Variants in MBNL2 observed in about 807,000 individuals in gnomAD.
MBNL2 encodes the protein muscleblind like splicing regulator 2.
Under a neutral mutation model 41.9 loss-of-function variants are expected in MBNL2, and 17 were observed. That is an observed-to-expected ratio of 0.41 (90% CI 0.28 to 0.61). The LOEUF is 0.61. Among genes scored for constraint, MBNL2 ranks in the 20% least tolerant of loss-of-function variants. The pLI, the probability that MBNL2 is intolerant of heterozygous loss-of-function variation, is 0.35. For missense variants in MBNL2, 336 were observed against 505.6 expected (o/e 0.66, Z 3.22); for synonymous variants, 195 against 182.9 (o/e 1.07, Z -0.53).
At chr13:97,269,466 C>T (rs1334224132) in intron 1 of MBNL2, among the ~76,000 whole-genome samples, 1 of 152,166 alleles carries the variant, frequency 6.6e-6, no homozygotes, top group Non-Finnish European at 1.5e-5. Flanking sequence ...GGCAGATGAA[C>T]TTGAAATGCC....
chr13:97,386,543 A>G (rs2065937593), intron 8 of MBNL2, among the ~76,000 whole-genome samples: 1 of 152,194 alleles, frequency 6.6e-6, no homozygotes, highest in Non-Finnish European at 1.5e-5. Context: ...ATTAGACAGT[A>G]CCTAATCTGG....
At chr13:97,271,126 GT>G (rs796072734) in intron 1 of MBNL2, among the ~76,000 whole-genome samples, 17 of 114,092 alleles carry the variant, frequency 1.5e-4, no homozygotes, top group Admixed American at 1.7e-4. Context: ...TTTTTTTTTT[GT>G]TTTTTTTTTT....
At chr13:97,329,356 A>C (rs1325330315) in intron 2 of MBNL2, among the ~76,000 whole-genome samples, 1 of 152,220 alleles carries the variant, frequency 6.6e-6, no homozygotes, top group African/African-American at 2.4e-5. Context: ...TATAATAATC[A>C]GGGTGCGATT....
chr13:97,295,287 G>C (rs902227851), intron 2 of MBNL2, among the ~76,000 whole-genome samples: 2 of 151,828 alleles, frequency 1.3e-5, no homozygotes, highest in Non-Finnish European at 2.9e-5. Context: ...TCAAATAGGT[G>C]CACACCTGGG....
intron 1 of MBNL2, among the ~76,000 whole-genome samples, chr13:97,237,418 A>C (rs2152802290): frequency 6.6e-6 from 1 of 152,336 alleles, no homozygotes; most frequent in East Asian, 1.9e-4. Context: ...TGAGGAGAAA[A>C]TTATTTCTTA....
chr13:97,270,354 C>T (rs1038314463), intron 1 of MBNL2, among the ~76,000 whole-genome samples: 1 of 152,006 alleles, frequency 6.6e-6, no homozygotes, highest in Non-Finnish European at 1.5e-5. Context: ...TTTTCACATT[C>T]TTTTTTTTCT....
intron 2 of MBNL2, among the ~76,000 whole-genome samples, chr13:97,290,791 T>C (rs972260810): frequency 6.6e-6 from 1 of 152,028 alleles, no homozygotes; most frequent in Non-Finnish European, 1.5e-5. Context: ...GGTACTCTGA[T>C]AGAAAACATT....
chr13:97,278,465 A>G (rs1392060449), intron 2 of MBNL2, among the ~76,000 whole-genome samples: 3 of 152,146 alleles, frequency 2.0e-5, no homozygotes, highest in Admixed American at 6.6e-5. Flanking sequence ...TCTTTAATGT[A>G]ATTCGAGAAA....
chr13:97,149,674 C>T, the MBNL2 span, among the ~76,000 whole-genome samples: 2 of 152,064 alleles, frequency 1.3e-5, no homozygotes, highest in African/African-American at 2.4e-5. Flanking sequence ...GGGTCAGCTG[C>T]CCAACACAAA....
In MBNL2 at chr13:97,257,867, G is replaced by A. The variant is rs78251291; in HGVS notation, c.-604-17765G>A. ...CACGTGTGCATCTCAGAAGTTGCTC[G>A]CGCCCAAGGGCAGATCAGTGACTGT... On this transcript the variant is annotated intron_variant, in intron 1 of 8. Coordinates refer to ENST00000679496, the MANE Select transcript of MBNL2 (RefSeq NM_001382683.1). Among the ~76,000 whole-genome samples the A allele has an allele frequency of 9.3e-3, 1,409 of 152,322 alleles. 11 individuals are homozygous for A. The highest frequency in any genetic ancestry group is 0.016 in the Non-Finnish European group (1,107 of 68,026).
chr13:97,322,127 A>C (rs985898369), intron 2 of MBNL2, among the ~76,000 whole-genome samples: 1 of 152,126 alleles, frequency 6.6e-6, no homozygotes, highest in Non-Finnish European at 1.5e-5. Flanking sequence ...CTGTCAGATG[A>C]GTAAAGGAGG....
At chr13:97,166,280 C>G in the MBNL2 span, among the ~76,000 whole-genome samples, 1 of 152,218 alleles carries the variant, frequency 6.6e-6, no homozygotes, top group African/African-American at 2.4e-5. Context: ...TCCTTGTGGT[C>G]TGTTAACATA....
chr13:97,277,681 G>A (rs1218538345), intron 2 of MBNL2, among the ~76,000 whole-genome samples: 1 of 152,072 alleles, frequency 6.6e-6, no homozygotes, highest in Non-Finnish European at 1.5e-5. Flanking sequence ...CCCAACAAAA[G>A]TCTTTTAAGG....
the MBNL2 span, among the ~76,000 whole-genome samples, chr13:97,193,532 G>A: frequency 1.3e-5 from 2 of 152,188 alleles, no homozygotes; most frequent in African/African-American, 4.8e-5. Flanking sequence ...AGGTAAACAT[G>A]AGCAAAATAT....
the MBNL2 span, among the ~76,000 whole-genome samples, chr13:97,171,929 C>T: frequency 6.6e-6 from 1 of 152,180 alleles, no homozygotes; most frequent in African/African-American, 2.4e-5. Flanking sequence ...TCTTTGCCTG[C>T]TGCTATGTAA....
intron 2 of MBNL2, among the ~76,000 whole-genome samples, chr13:97,304,336 T>C (rs1200700177): frequency 6.6e-6 from 1 of 152,236 alleles, no homozygotes; most frequent in Admixed American, 6.5e-5. Flanking sequence ...TTTATTTGAT[T>C]ATTGCCTACA....
rs567619852 is a variant in MBNL2 at position 97,258,481 on chromosome 13, C to T, written c.-604-17151C>T. Among the ~76,000 whole-genome samples the T allele has an allele frequency of 1.4e-4, 21 of 152,286 alleles. No individual in the cohort carries two copies. The East Asian group carries it at 3.5e-3, about 25-fold the overall frequency. On this transcript the variant is annotated intron_variant, in intron 1 of 8. Transcript: ENST00000679496. ...AACAAAATCTTGTTTTAATAAATTA[C>T]CCTCTTCCTGTTCCTAGATTACTGG...
At chr13:97,147,499 TAAAG>T in the MBNL2 span, among the ~76,000 whole-genome samples, 1 of 152,148 alleles carries the variant, frequency 6.6e-6, no homozygotes, top group East Asian at 1.9e-4. Flanking sequence ...ACTGACTAAA[TAAAG>T]AAATGCTCAT....
chr13:97,234,637 C>G (rs1035561764), intron 1 of MBNL2, among the ~76,000 whole-genome samples: 1 of 152,124 alleles, frequency 6.6e-6, no homozygotes, highest in African/African-American at 2.4e-5. Context: ...TGGCAATGTG[C>G]GGGACACTGG....
Sources: gnomAD v4.1 joint callset for allele counts (sites outside exome capture counted in the v4.1 genomes callset) on GRCh38, gnomAD v4.1.1 for gene constraint, MANE v1.5 for transcripts, NCBI Gene and HGNC (gene_info 2026-07-23, HGNC 2026-07-21) for gene names.